KCNH1: variants seen among roughly 807,000 people sequenced by gnomAD.
The protein encoded by KCNH1 is potassium voltage-gated channel subfamily H member 1.
Under a neutral mutation model 69.2 loss-of-function variants are expected in KCNH1, and 27 were observed. The ratio of observed to expected loss-of-function variants is 0.39; its 90% CI spans 0.29 to 0.54. KCNH1 has a LOEUF of 0.54. Among genes scored for constraint, KCNH1 ranks in the 20% least tolerant of loss-of-function variants. The probability of loss-of-function intolerance (pLI) is 0.68; values close to 1 mark genes in which losing one functional copy is unlikely to be tolerated. For synonymous variants in KCNH1, 456 were observed against 487.7 expected, an observed-to-expected ratio of 0.93 and a Z score of 0.86; for missense variants, 798 against 1,261.6, an observed-to-expected ratio of 0.63 and a Z score of 5.57.
intron 1 of KCNH1, among the ~76,000 whole-genome samples, chr1:211,118,499 C>G (rs1039124267): frequency 6.6e-6 from 1 of 152,154 alleles, no homozygotes; most frequent in Non-Finnish European, 1.5e-5. Flanking sequence ...GCTTTTTTAC[C>G]CCCTAAGGGT....
chr1:211,070,424 A>ACACAC (rs1232138926), intron 5 of KCNH1, among the ~76,000 whole-genome samples: 5,759 of 108,942 alleles, frequency 0.053, 200 homozygotes, highest in South Asian at 0.13. Context: ...CCTTTAAAAA[A>ACACAC]AAAAAAACAC....
At chr1:210,788,417 T>C (rs1356131045) in intron 9 of KCNH1, among the ~76,000 whole-genome samples, 1 of 152,200 alleles carries the variant, frequency 6.6e-6, no homozygotes, top group African/African-American at 2.4e-5. Flanking sequence ...ACTGCCTTAA[T>C]TTACCACAAT....
At chr1:210,927,653 G>GA (rs1193216813) in intron 6 of KCNH1, among the ~76,000 whole-genome samples, 3 of 151,172 alleles carry the variant, frequency 2.0e-5, no homozygotes, top group African/African-American at 4.9e-5. Flanking sequence ...GTAACACAAT[G>GA]AAAAAAAAGA....
chr1:210,718,512 CAT>C (rs1491395483), intron 10 of KCNH1, among the ~76,000 whole-genome samples: 1 of 61,876 alleles, frequency 1.6e-5, no homozygotes, highest in African/African-American at 5.4e-5. Flanking sequence ...AAAATATATA[CAT>C]ATATGTATAT....
chr1:211,070,426 AAAAAAC>A (rs1226567765), intron 5 of KCNH1, among the ~76,000 whole-genome samples: 5 of 108,382 alleles, frequency 4.6e-5, no homozygotes, highest in African/African-American at 1.6e-4. Flanking sequence ...TTTAAAAAAA[AAAAAAC>A]ACACACACAC....
intron 7 of KCNH1, among the ~76,000 whole-genome samples, chr1:210,848,643 G>T (rs1054663258): frequency 5.9e-5 from 9 of 152,102 alleles, no homozygotes; most frequent in African/African-American, 1.9e-4. Flanking sequence ...ATAAATCTGC[G>T]AGATAGTTGG....
intron 6 of KCNH1, among the ~76,000 whole-genome samples, chr1:210,989,700 A>G (rs1361841035): frequency 1.3e-5 from 2 of 152,326 alleles, no homozygotes; most frequent in Admixed American, 6.5e-5. Context: ...AAGAGATTCA[A>G]ATGCAGTGAA....
chr1:210,779,210 G>C (rs1683925596), intron 9 of KCNH1, among the ~76,000 whole-genome samples: 1 of 152,126 alleles, frequency 6.6e-6, no homozygotes, highest in South Asian at 2.1e-4. Flanking sequence ...TCTCAGTATT[G>C]TCATAACTTG....
chr1:211,010,662 C>A (rs1689375928), intron 6 of KCNH1, among the ~76,000 whole-genome samples: 1 of 152,160 alleles, frequency 6.6e-6, no homozygotes. Flanking sequence ...GCTAAGTGCT[C>A]CCTGTTGTAG....
chr1:210,860,071 T>C (rs4951672), intron 7 of KCNH1: 1,391,051 of 1,391,058 alleles, frequency 1, 695,522 homozygotes, highest in Middle Eastern at 1. Context: ...AATTTTGCCG[T>C]ATGACACGCT....
intron 10 of KCNH1, among the ~76,000 whole-genome samples, chr1:210,740,241 A>C (rs1682988668): frequency 6.6e-6 from 1 of 152,244 alleles, no homozygotes; most frequent in Non-Finnish European, 1.5e-5. Flanking sequence ...TCCCCAGAAC[A>C]TCAGGAAATA....
chr1:211,076,791 G>A (rs1371147289), intron 5 of KCNH1, among the ~76,000 whole-genome samples: 1 of 152,172 alleles, frequency 6.6e-6, no homozygotes, highest in East Asian at 1.9e-4. Context: ...GCTTCAGAAG[G>A]TCGGTAATAA....
chr1:211,040,341 A>G (rs1689971961), intron 5 of KCNH1, among the ~76,000 whole-genome samples: 1 of 152,172 alleles, frequency 6.6e-6, no homozygotes, highest in Admixed American at 6.5e-5. Context: ...ATCTCCCAGA[A>G]TTCCCATGTG....
chr1:210,861,204 A>C, intron 7 of KCNH1: 1 of 964,572 alleles, frequency 1.0e-6, no homozygotes. Context: ...TCTGTATAAC[A>C]CATCAATGGA....
intron 7 of KCNH1, among the ~76,000 whole-genome samples, chr1:210,872,149 CAAAAAA>C (rs60497732): frequency 1.3e-5 from 1 of 77,700 alleles, no homozygotes; most frequent in Non-Finnish European, 2.6e-5. Context: ...GGAAGAGCAC[CAAAAAA>C]AAAAAAAAAA....
intron 6 of KCNH1, among the ~76,000 whole-genome samples, chr1:211,005,992 C>T (rs1224727634): frequency 2.6e-5 from 4 of 152,016 alleles, no homozygotes; most frequent in Non-Finnish European, 4.4e-5. Flanking sequence ...ATTTATGAAA[C>T]GATGCTAAAT....
intron 7 of KCNH1, among the ~76,000 whole-genome samples, chr1:210,804,929 C>A (rs1268599008): frequency 6.6e-6 from 1 of 152,150 alleles, no homozygotes; most frequent in Non-Finnish European, 1.5e-5. Flanking sequence ...GCTACTACAG[C>A]TCCCCCTACA....
intron 9 of KCNH1, among the ~76,000 whole-genome samples, chr1:210,776,155 C>T (rs1361279416): frequency 6.6e-6 from 1 of 152,118 alleles, no homozygotes; most frequent in African/African-American, 2.4e-5. Flanking sequence ...TGGAAGAAGT[C>T]AGACAAGTGC....
At chr1:211,051,277 C>T (rs1001067745) in intron 5 of KCNH1, among the ~76,000 whole-genome samples, 2 of 152,152 alleles carry the variant, frequency 1.3e-5, no homozygotes, top group African/African-American at 4.8e-5. Flanking sequence ...TGATTACAGG[C>T]GTGAGCCACC....
Sources: allele counts gnomAD v4.1 joint callset (sites outside exome capture counted in the v4.1 genomes callset), GRCh38; gene constraint gnomAD v4.1.1; transcripts MANE v1.5; gene names NCBI Gene and HGNC (gene_info 2026-07-23, HGNC 2026-07-21).